PCDH11X: variants seen among roughly 807,000 people sequenced by gnomAD.
PCDH11X encodes protocadherin 11 X-linked.
Under a neutral mutation model 53.3 loss-of-function variants are expected in PCDH11X, and 18 were observed. That is an observed-to-expected ratio of 0.34 (90% CI 0.23 to 0.50). The LOEUF (loss-of-function observed/expected upper bound fraction) is 0.50, where lower values mean the gene tolerates loss of function less well. Ranked by LOEUF, PCDH11X falls within the 20% of genes least tolerant of loss-of-function variation. PCDH11X has a pLI of 0.98. For synonymous variants in PCDH11X, 279 were observed against 393.3 expected (o/e 0.71, Z 3.44); for missense variants, 570 against 1,032.4 (o/e 0.55, Z 6.14).
intron 7 of PCDH11X, among the ~76,000 whole-genome samples, chrX:92,218,139 G>A (rs1473685701): frequency 2.7e-5 from 3 of 110,925 alleles, no homozygotes; most frequent in African/African-American, 6.6e-5. Flanking sequence ...TAAAAGAACT[G>A]GAAAAGCAAG....
chrX:92,352,397 AT>A (rs749622985), intron 8 of PCDH11X, among the ~76,000 whole-genome samples: 13 of 111,186 alleles, frequency 1.2e-4, no homozygotes, highest in Non-Finnish European at 2.3e-4. Flanking sequence ...ATCTTGTATC[AT>A]TTTTTTGATC....
chrX:91,952,834 A>G (rs1029728448), intron 6 of PCDH11X, among the ~76,000 whole-genome samples: 3 of 112,114 alleles, frequency 2.7e-5, no homozygotes, highest in African/African-American at 6.5e-5. Context: ...TGGTACATAT[A>G]AACAATGGAG....
chrX:92,178,894 T>G (rs1161693643), intron 6 of PCDH11X, among the ~76,000 whole-genome samples: 2 of 112,056 alleles, frequency 1.8e-5, no homozygotes, highest in Non-Finnish European at 1.9e-5. Context: ...AAATGAAATA[T>G]TTTACAAAAA....
intron 7 of PCDH11X, among the ~76,000 whole-genome samples, chrX:92,242,724 C>T (rs2067282440): frequency 9.0e-6 from 1 of 111,327 alleles, no homozygotes; most frequent in Non-Finnish European, 1.9e-5. Context: ...TTGCCATCAG[C>T]AATGTATGCT....
At chrX:92,124,992 T>A (rs1198778702) in intron 6 of PCDH11X, among the ~76,000 whole-genome samples, 1 of 111,990 alleles carries the variant, frequency 8.9e-6, no homozygotes, top group Non-Finnish European at 1.9e-5. Context: ...ATTTGTTGCA[T>A]GAATGGATGA....
rs574941167 is a variant in PCDH11X at position 91,817,579 on chromosome X, G to C, written c.-45+6284G>C. 2.2e-4 allele frequency among the ~76,000 whole-genome samples: 24 copies of C among 111,185 alleles called. No homozygotes were observed. In the South Asian group the frequency reaches 9.1e-3, roughly 42 times the overall value. On this transcript the variant is annotated intron_variant, in intron 4 of 10. Coordinates refer to ENST00000682573, the MANE Select transcript of PCDH11X (RefSeq NM_032968.5). The stretch of plus-strand genomic sequence containing the variant: ...ATAGAAATATTCTAAAATCTGTGCT[G>C]TCCAGTGCTTAAGTCCTTAGCCTTA...
intron 7 of PCDH11X, among the ~76,000 whole-genome samples, chrX:92,229,213 C>A (rs140616831): frequency 9.0e-6 from 1 of 111,104 alleles, no homozygotes; most frequent in East Asian, 2.8e-4. Flanking sequence ...GGAGAATATT[C>A]TTTTGGGCTG....
At chrX:91,969,403 TA>T (rs11355574) in intron 6 of PCDH11X, among the ~76,000 whole-genome samples, 33,554 of 101,622 alleles carry the variant, frequency 0.33, 5,497 homozygotes, top group African/African-American at 0.54. Context: ...CTTGTTAGAT[TA>T]AAAAAAAAAG....
chrX:92,582,493 G>A (rs1297061297), intron 10 of PCDH11X, among the ~76,000 whole-genome samples: 1 of 109,241 alleles, frequency 9.2e-6, no homozygotes, highest in Non-Finnish European at 1.9e-5. Context: ...TGAGGTTTTG[G>A]AACCTCCACC....
Position 92,214,659 on chromosome X carries a change from C to T in PCDH11X, c.3114+13204C>T, listed in dbSNP as rs146040510. ...AACAGGAAGCAGGGAAACATAGACA[C>T]GTGCAATTGGTTTAGTAAACATGGA... is the stretch of plus-strand genomic sequence containing the variant. On this transcript the variant is annotated intron_variant, in intron 7 of 10. Transcript: ENST00000682573. Among the ~76,000 whole-genome samples, 444 of 111,581 alleles carry T rather than the reference C, an allele frequency of 4.0e-3. 5 individuals carry two copies. The highest frequency in any genetic ancestry group is 0.014 in the African/African-American group (429 of 30,730).
At chrX:92,065,636 T>C (rs982579286) in intron 6 of PCDH11X, among the ~76,000 whole-genome samples, 1 of 112,064 alleles carries the variant, frequency 8.9e-6, no homozygotes, top group African/African-American at 3.2e-5. Flanking sequence ...TTTATATGCC[T>C]GTTTGCCATT....
chrX:92,019,067 C>T (rs1300119564), intron 6 of PCDH11X, among the ~76,000 whole-genome samples: 1 of 111,228 alleles, frequency 9.0e-6, no homozygotes, highest in African/African-American at 3.3e-5. Context: ...TCTAACAGAT[C>T]TTCAGTGGTA....
chrX:91,927,186 G>A (rs1488526136), intron 6 of PCDH11X, among the ~76,000 whole-genome samples: 1 of 107,840 alleles, frequency 9.3e-6, no homozygotes, highest in Non-Finnish European at 1.9e-5. Context: ...GAATATGGAT[G>A]TTCCTCAATA....
At chrX:91,905,703 G>GT (rs1232404400) in intron 6 of PCDH11X, among the ~76,000 whole-genome samples, 12 of 110,868 alleles carry the variant, frequency 1.1e-4, no homozygotes, top group Non-Finnish European at 2.1e-4. Context: ...TCTTTTTGTG[G>GT]TTTTTTTCCT....
At chrX:92,588,984 C>CCTA (rs767421144) in intron 10 of PCDH11X, among the ~76,000 whole-genome samples, 2 of 110,845 alleles carry the variant, frequency 1.8e-5, no homozygotes, top group Middle Eastern at 4.6e-3. Context: ...CAGTGAAAAC[C>CCTA]CTACAGGCCA....
At chrX:92,424,618 A>G (rs1424792802) in intron 9 of PCDH11X, among the ~76,000 whole-genome samples, 1 of 96,412 alleles carries the variant, frequency 1.0e-5, no homozygotes, top group Non-Finnish European at 2.3e-5. Flanking sequence ...TGCATTTTCA[A>G]CTGAAGTTCT....
Position 92,265,096 on chromosome X carries a change from C to T in PCDH11X, c.3144+1953C>T, listed in dbSNP as rs146913798. ...TTTTTGGAGGTAGGGGATGGGGTCT[C>T]GCTCTGTTGCTCAGGCTGGAGTGCA... is the stretch of plus-strand genomic sequence containing the variant. On this transcript the variant is annotated intron_variant, in intron 8 of 10. Coordinates refer to ENST00000682573, the MANE Select transcript of PCDH11X (RefSeq NM_032968.5). 2.8e-4 allele frequency among the ~76,000 whole-genome samples: 31 copies of T among 109,246 alleles called. No homozygotes were observed. The East Asian group carries it at 6.2e-3, about 22-fold the overall frequency. The allele number at this position is 109,246 out of a possible 115,157, so 94.9% of individuals were successfully genotyped here.
intron 8 of PCDH11X, among the ~76,000 whole-genome samples, chrX:92,368,241 G>T (rs1204662213): frequency 9.1e-6 from 1 of 109,664 alleles, no homozygotes; most frequent in African/African-American, 3.3e-5. Flanking sequence ...ATTTCAGTAA[G>T]TTGATCTTTA....
chrX:91,783,077 G>A (rs1935214424), intron 1 of PCDH11X, among the ~76,000 whole-genome samples: 1 of 111,960 alleles, frequency 8.9e-6, no homozygotes, highest in Non-Finnish European at 1.9e-5. Flanking sequence ...GGACGCAGGT[G>A]AGAGATGTGG....
Sources: allele counts gnomAD v4.1 joint callset (sites outside exome capture counted in the v4.1 genomes callset), GRCh38; gene constraint gnomAD v4.1.1; transcripts MANE v1.5; gene names NCBI Gene and HGNC (gene_info 2026-07-23, HGNC 2026-07-21).